Variants in DLGAP2 observed in about 807,000 individuals in gnomAD.
DLGAP2 encodes disks large-associated protein 2.
DLGAP2 carries 26 observed loss-of-function variants against 100.3 expected under a neutral mutation model. The observed-to-expected ratio is 0.26, with a 90% CI of 0.19 to 0.36. The LOEUF is 0.36. DLGAP2 is among the 10% of genes least tolerant of loss of function. The pLI is 1.00. For synonymous variants in DLGAP2, 886 were observed against 630.1 expected, an observed-to-expected ratio of 1.41 and a Z score of -6.08; for missense variants, 1,858 against 1,453.2, an observed-to-expected ratio of 1.28 and a Z score of -4.53.
chr8:1,488,248 G>T (rs1045487466), intron 3 of DLGAP2, among the ~76,000 whole-genome samples: 2 of 152,066 alleles, frequency 1.3e-5, no homozygotes, highest in African/African-American at 4.8e-5. Context: ...TCACAGAGAG[G>T]CCTCATCTCC....
At chr8:1,255,053 G>C (rs1176151645) in intron 2 of DLGAP2, among the ~76,000 whole-genome samples, 2 of 114,006 alleles carry the variant, frequency 1.8e-5, no homozygotes, top group Admixed American at 2.1e-4. Flanking sequence ...CTGTGTGTGT[G>C]TCCTCTCATC....
intron 3 of DLGAP2, among the ~76,000 whole-genome samples, chr8:1,442,933 G>A (rs1287163288): frequency 6.6e-6 from 1 of 152,192 alleles, no homozygotes; most frequent in East Asian, 1.9e-4. Context: ...ATCTTTTACC[G>A]TAAACACGAG....
At chr8:1,525,400 A>G (rs1391518533) in intron 4 of DLGAP2, among the ~76,000 whole-genome samples, 2 of 152,198 alleles carry the variant, frequency 1.3e-5, no homozygotes, top group African/African-American at 4.8e-5. Context: ...TGGTGGAATT[A>G]CAGGAGCATT....
At chr8:1,202,240 CAG>C (rs1491316709) in intron 2 of DLGAP2, among the ~76,000 whole-genome samples, 1 of 70,640 alleles carries the variant, frequency 1.4e-5, no homozygotes, top group Non-Finnish European at 2.6e-5. Context: ...TGTATAGATG[CAG>C]TGTGTGTGTG....
At chr8:1,562,368 G>A (rs1483639156) in intron 5 of DLGAP2, among the ~76,000 whole-genome samples, 3 of 47,426 alleles carry the variant, frequency 6.3e-5, no homozygotes, top group Admixed American at 2.8e-4. Context: ...TCCGCGCCTC[G>A]TTGCTGGGGG....
intron 3 of DLGAP2, among the ~76,000 whole-genome samples, chr8:1,438,649 A>G (rs960815248): frequency 6.6e-6 from 1 of 152,210 alleles, no homozygotes; most frequent in African/African-American, 2.4e-5. Context: ...GCCGGGCAAC[A>G]CTCGCCAGAG....
chr8:1,449,891 G>T (rs111286976), intron 3 of DLGAP2, among the ~76,000 whole-genome samples: 1,211 of 65,746 alleles, frequency 0.018, 14 homozygotes, highest in African/African-American at 0.029. Context: ...TGGCTGAGGC[G>T]GAGCTGTGAG....
chr8:1,350,428 C>T (rs1437688554), intron 3 of DLGAP2, among the ~76,000 whole-genome samples: 1 of 81,580 alleles, frequency 1.2e-5, no homozygotes, highest in Admixed American at 1.3e-4. Flanking sequence ...AAAGGCCGCG[C>T]GGGTCCTGAG....
chr8:1,318,559 G>T (rs977914300), intron 3 of DLGAP2, among the ~76,000 whole-genome samples: 1 of 151,142 alleles, frequency 6.6e-6, no homozygotes, highest in Admixed American at 6.6e-5. Context: ...TGTCAGGGCC[G>T]GTTCGTTACC....
At chr8:1,190,552 C>G (rs548946436) in intron 2 of DLGAP2, among the ~76,000 whole-genome samples, 1 of 152,168 alleles carries the variant, frequency 6.6e-6, no homozygotes. Context: ...CCCGTCCTTG[C>G]TTCTCATCTC....
chr8:1,093,227 A>C (rs1804243876), intron 2 of DLGAP2, among the ~76,000 whole-genome samples: 1 of 152,064 alleles, frequency 6.6e-6, no homozygotes, highest in African/African-American at 2.4e-5. Flanking sequence ...TCACACCAAC[A>C]GCCAGACAGA....
At chr8:1,591,301 C>G (rs935344139) in intron 6 of DLGAP2, among the ~76,000 whole-genome samples, 7 of 152,202 alleles carry the variant, frequency 4.6e-5, no homozygotes, top group Non-Finnish European at 8.8e-5. Context: ...CTCCCCCTCC[C>G]TCTTCCTAAC....
At chr8:1,389,302 G>T (rs13266620) in intron 3 of DLGAP2, among the ~76,000 whole-genome samples, 244 of 143,562 alleles carry the variant, frequency 1.7e-3, no homozygotes, top group Non-Finnish European at 2.8e-3. Flanking sequence ...TGGAGGAGGA[G>T]GATGGGAAGG....
chr8:1,198,227 AC>A (rs1313048844), intron 2 of DLGAP2, among the ~76,000 whole-genome samples: 2 of 152,024 alleles, frequency 1.3e-5, no homozygotes, highest in African/African-American at 4.8e-5. Flanking sequence ...CCAGCTCCTC[AC>A]CCCCATTAAC....
intron 2 of DLGAP2, among the ~76,000 whole-genome samples, chr8:1,084,482 A>T (rs1280684286): frequency 1.3e-5 from 2 of 152,190 alleles, no homozygotes; most frequent in East Asian, 3.8e-4. Context: ...CTAGAGACAG[A>T]CTTGCCCTCC....
At chr8:1,289,270 G>T (rs1800007705) in intron 3 of DLGAP2, among the ~76,000 whole-genome samples, 1 of 152,176 alleles carries the variant, frequency 6.6e-6, no homozygotes, top group Non-Finnish European at 1.5e-5. Context: ...CTATAGGATT[G>T]CTAATACATA....
chr8:1,275,969 T>C (rs1799683713), intron 3 of DLGAP2, among the ~76,000 whole-genome samples: 1 of 128,592 alleles, frequency 7.8e-6, no homozygotes, highest in South Asian at 2.2e-4. Flanking sequence ...ATATATAATA[T>C]ATATAAATAT....
intron 4 of DLGAP2, among the ~76,000 whole-genome samples, chr8:1,542,756 G>A (rs759531013): frequency 6.6e-6 from 1 of 152,072 alleles, no homozygotes; most frequent in Admixed American, 6.5e-5. Context: ...TGTGCACCTC[G>A]GAGTAGACTC....
chr8:1,363,771 G>A (rs1440915765), intron 3 of DLGAP2, among the ~76,000 whole-genome samples: 1 of 152,202 alleles, frequency 6.6e-6, no homozygotes, highest in Non-Finnish European at 1.5e-5. Context: ...TTGCTGTGTG[G>A]GAACCACGGG....
Sources: allele counts gnomAD v4.1 joint callset (sites outside exome capture counted in the v4.1 genomes callset), GRCh38; gene constraint gnomAD v4.1.1; transcripts MANE v1.5; gene names NCBI Gene and HGNC (gene_info 2026-07-23, HGNC 2026-07-21).